The following TMEM236 variants were observed in gnomAD, a reference collection of about 807,000 sequenced individuals.
The protein encoded by TMEM236 is transmembrane protein 236, also known as family with sequence similarity 23, member A.
A neutral mutation model predicts 14.7 loss-of-function variants in TMEM236; 11 were observed. The ratio of observed to expected loss-of-function variants is 0.75; its 90% CI spans 0.47 to 1.24. The LOEUF is 1.24. Ranked by LOEUF, TMEM236 falls within the 50% of genes most tolerant of loss-of-function variation. TMEM236 has a pLI of 0.00. For synonymous variants in TMEM236, 182 were observed against 168.6 expected, an observed-to-expected ratio of 1.08 and a Z score of -0.62; for missense variants, 464 against 427.3, an observed-to-expected ratio of 1.09 and a Z score of -0.76.
rs981266894 is a variant in TMEM236, at chr10:17,777,062, C to A, written c.472+892C>A. 3.2e-3 allele frequency among the ~76,000 whole-genome samples: 481 copies of A among 152,256 alleles called. 1 individual carries two copies. The highest frequency in any genetic ancestry group is 0.011 in the African/African-American group (462 of 41,552). On this transcript the variant is annotated intron_variant, in intron 3 of 3. Transcript: ENST00000377495. The stretch of plus-strand genomic sequence containing the variant: ...TTTCTGATGGGGTGAATGGAGTCAA[C>A]TGAGTGAGCCTCAGGAGACAGCTTC...
At chr10:17,779,444 T>C (rs1375298317) in intron 3 of TMEM236, among the ~76,000 whole-genome samples, 2 of 152,094 alleles carry the variant, frequency 1.3e-5, no homozygotes, top group African/African-American at 2.4e-5. Context: ...CATCTCCTCT[T>C]CTTCACTGTC....
At chr10:17,789,748 C>T (rs2131765065) in intron 3 of TMEM236, among the ~76,000 whole-genome samples, 1 of 152,048 alleles carries the variant, frequency 6.6e-6, no homozygotes, top group East Asian at 1.9e-4. Flanking sequence ...CAGGGCCGGG[C>T]ACGGTGGCTC....
At position 17,761,831 on chromosome 10, in the gene TMEM236, C is replaced by T. The variant is rs1837369399; in HGVS notation, c.257+9279C>T. Reference sequence around the variant, plus strand: ...TGGAGCTGGGCAAACTCTTACTGTTCGTCTTCAAAATGATTTCTCACAATA... The same window carrying T: ...TGGAGCTGGGCAAACTCTTACTGTTTGTCTTCAAAATGATTTCTCACAATA... On this transcript the variant is annotated intron_variant, in intron 1 of 3. Transcript: ENST00000377495. Among the ~76,000 whole-genome samples the T allele has an allele frequency of 2.6e-5, 4 of 152,112 alleles. No individual in the cohort carries two copies. The South Asian group carries it at 6.2e-4, about 24-fold the overall frequency.
At chr10:17,782,633 G>A (rs971345443) in intron 3 of TMEM236, among the ~76,000 whole-genome samples, 1 of 151,942 alleles carries the variant, frequency 6.6e-6, no homozygotes, top group Non-Finnish European at 1.5e-5. Context: ...TGTATTTTTA[G>A]TAGAGACGGG....
intron 1 of TMEM236, among the ~76,000 whole-genome samples, chr10:17,762,618 T>C (rs868966907): frequency 5.7e-3 from 366 of 63,728 alleles, no homozygotes; most frequent in African/African-American, 0.024. Flanking sequence ...TATATATATA[T>C]ACACACATAC....
intron 3 of TMEM236, among the ~76,000 whole-genome samples, chr10:17,789,003 A>G (rs886777909): frequency 1.2e-4 from 19 of 152,156 alleles, no homozygotes; most frequent in Non-Finnish European, 2.2e-4. Context: ...GGAGTGGGGA[A>G]GTCCTGATTT....
intron 1 of TMEM236, among the ~76,000 whole-genome samples, chr10:17,761,008 A>G (rs1288972332): frequency 2.6e-5 from 4 of 152,196 alleles, no homozygotes; most frequent in African/African-American, 9.7e-5. Context: ...AAGCCGTATC[A>G]CACTGTAAAC....
rs1838010999 is a variant in TMEM236, at chr10:17,796,158, T to C, written c.710T>C (p.Leu237Ser). The C allele has an allele frequency of 5.6e-6, 9 of 1,613,916 alleles. No individual in the cohort carries two copies. Among genetic ancestry groups the C allele is most frequent in the Non-Finnish European group, 7.6e-6 (9 of 1,179,844 alleles). The change falls in exon 4 of 4, where the codon TTA becomes TCA. Residue 237 changes from leucine to serine, a missense_variant. By Grantham distance (145) the Leu-to-Ser change is moderately radical. Coordinates refer to ENST00000377495, the MANE Select transcript of TMEM236 (RefSeq NM_001098844.3). Reference sequence around the variant, plus strand: ...TCCCGGCGAGATGTCCGGGCAGAGTTATTCTTATGGAGCTTTCTCCTGTGG... The same window carrying C: ...TCCCGGCGAGATGTCCGGGCAGAGTCATTCTTATGGAGCTTTCTCCTGTGG... Reference protein sequence around the residue: ...MMSRRDVRAELFLWSFLLWSD... With the variant: ...MMSRRDVRAESFLWSFLLWSD...
chr10:17,777,788 G>C (rs1442288942), intron 3 of TMEM236, among the ~76,000 whole-genome samples: 1 of 152,074 alleles, frequency 6.6e-6, no homozygotes, highest in Non-Finnish European at 1.5e-5. Context: ...TCTTGCTCTG[G>C]AATGCAGCGG....
At position 17,797,126 on chromosome 10, in the gene TMEM236, C is replaced by A. The variant is rs1838029833; in HGVS notation, c.*622C>A. The A allele has an allele frequency of 6.5e-6, 1 of 153,804 alleles. No homozygotes were observed. Among genetic ancestry groups the A allele is most frequent in the Non-Finnish European group, 1.4e-5 (1 of 69,140 alleles). 9.5% of individuals were successfully genotyped at this position (153,804 alleles called of 1,614,324 possible). On this transcript the variant is annotated 3_prime_UTR_variant, in exon 4 of 4. Coordinates refer to ENST00000377495, the MANE Select transcript of TMEM236 (RefSeq NM_001098844.3). ...ACCACTGATGTATACCACGCTTTTT[C>A]TAAGAATACTCTTCAACGGAGCCCT...
intron 1 of TMEM236, among the ~76,000 whole-genome samples, chr10:17,766,372 T>A (rs1016380748): frequency 6.6e-6 from 1 of 152,194 alleles, no homozygotes; most frequent in Non-Finnish European, 1.5e-5. Context: ...AATATGTTCC[T>A]CATTTCCATC....
At chr10:17,773,059 T>G (rs1837600120) in intron 2 of TMEM236, among the ~76,000 whole-genome samples, 4 of 152,236 alleles carry the variant, frequency 2.6e-5, no homozygotes, top group African/African-American at 9.6e-5. Context: ...CATAATTTAC[T>G]TATCTGTTCT....
Position 17,777,585 on chromosome 10 carries a change from C to T in TMEM236, c.472+1415C>T, listed in dbSNP as rs1050453259. 4.4e-3 allele frequency among the ~76,000 whole-genome samples: 666 copies of T among 151,980 alleles called. 5 individuals are homozygous for T. The highest frequency in any genetic ancestry group is 0.015 in the African/African-American group (632 of 41,432). ...CTGGGATTCTAGCTGTGCACGGCTGCACCCAGCGTTAAATTGGATGGTTTC... is the reference window on the plus strand; with the variant it reads ...CTGGGATTCTAGCTGTGCACGGCTGTACCCAGCGTTAAATTGGATGGTTTC... On this transcript the variant is annotated intron_variant, in intron 3 of 3. Coordinates refer to ENST00000377495, the MANE Select transcript of TMEM236 (RefSeq NM_001098844.3).
chr10:17,762,510 T>C (rs946655043), intron 1 of TMEM236, among the ~76,000 whole-genome samples: 40 of 148,108 alleles, frequency 2.7e-4, no homozygotes, highest in African/African-American at 9.9e-4. Flanking sequence ...TCTGGGTTAA[T>C]AGTGATCCAT....
Position 17,768,085 on chromosome 10 carries a change from G to GTTTTTTTTTTTTTTTTTT in TMEM236, c.258-3224_258-3223insTTTTTTTTTTTTTTTTTT, listed in dbSNP as rs1181734908. Among the ~76,000 whole-genome samples the GTTTTTTTTTTTTTTTTTT allele has an allele frequency of 2.8e-3, 275 of 98,780 alleles. 64 individuals are homozygous for GTTTTTTTTTTTTTTTTTT. The highest frequency in any genetic ancestry group is 8.8e-3 in the African/African-American group (218 of 24,784). The allele number at this position is 98,780 out of a possible 152,430, so 64.8% of individuals were successfully genotyped here. A position where few individuals can be genotyped will look rare whatever the true frequency, so the allele number is the denominator to read the frequency against. On this transcript the variant is annotated intron_variant, in intron 1 of 3. Transcript: ENST00000377495. ...ACCACCACACCTCGCTAATTTTTGT[G>GTTTTTTTTTTTTTTTTTT]GTTTTTTTTTTTTTTTTTTTTTTGT...
At chr10:17,757,295 A>G (rs1275688869) in intron 1 of TMEM236, among the ~76,000 whole-genome samples, 2 of 152,206 alleles carry the variant, frequency 1.3e-5, no homozygotes, top group Non-Finnish European at 2.9e-5. Flanking sequence ...AACTTTGTCA[A>G]CTGATAAAGC....
At chr10:17,754,206 T>C (rs1837250029) in intron 1 of TMEM236, among the ~76,000 whole-genome samples, 1 of 152,244 alleles carries the variant, frequency 6.6e-6, no homozygotes, top group African/African-American at 2.4e-5. Context: ...TAATTTTGCG[T>C]AAAACTGAAA....
At chr10:17,768,967 T>C (rs1376518383) in intron 1 of TMEM236, among the ~76,000 whole-genome samples, 2 of 152,162 alleles carry the variant, frequency 1.3e-5, no homozygotes, top group African/African-American at 4.8e-5. Flanking sequence ...TTCGGTGGCA[T>C]TAAGTACATT....
At chr10:17,791,550 G>A (rs34202988) in intron 3 of TMEM236, among the ~76,000 whole-genome samples, 7 of 152,032 alleles carry the variant, frequency 4.6e-5, no homozygotes, top group African/African-American at 7.2e-5. Flanking sequence ...TGCCTGATAC[G>A]TACAAAGTTC....
Sources: gnomAD v4.1 joint callset for allele counts (sites outside exome capture counted in the v4.1 genomes callset) on GRCh38, gnomAD v4.1.1 for gene constraint, MANE v1.5 for transcripts, NCBI Gene and HGNC (gene_info 2026-07-23, HGNC 2026-07-21) for gene names.